ATF1: variants seen among roughly 807,000 people sequenced by gnomAD.
ATF1 encodes activating transcription factor 1, also known as cyclic AMP-dependent transcription factor ATF-1.
ATF1 carries 16 observed loss-of-function variants against 34.7 expected under a neutral mutation model. The observed-to-expected ratio is 0.46, with a 90% CI of 0.31 to 0.70. The LOEUF is 0.70. Ranked by LOEUF, ATF1 falls within the 30% of genes least tolerant of loss-of-function variation. ATF1 has a pLI of 0.05. For missense variants in ATF1, 255 were observed against 321.6 expected (o/e 0.79, Z 1.58); for synonymous variants, 105 against 113.1 (o/e 0.93, Z 0.46).
intron 1 of ATF1, among the ~76,000 whole-genome samples, chr12:50,770,437 T>C (rs1940742041): frequency 3.3e-5 from 5 of 152,192 alleles, no homozygotes; most frequent in Admixed American, 3.3e-4. Context: ...CCCCAAGTTA[T>C]CTTGGGACCT....
chr12:50,818,010 T>C lies in ATF1; in HGVS notation c.672-1625T>C, dbSNP rs145909460. 8.1e-3 allele frequency among the ~76,000 whole-genome samples: 1,241 copies of C among 152,296 alleles called. 23 individuals carry two copies. The highest frequency in any genetic ancestry group is 0.028 in the African/African-American group (1,174 of 41,550). On this transcript the variant is annotated intron_variant, in intron 6 of 6. Coordinates refer to ENST00000262053, the MANE Select transcript of ATF1 (RefSeq NM_005171.5). ...TTCTGGCATTTTTTCCCTTTTTTCT[T>C]TCTGGTTTGACTCTGGGATTTTTTT...
intron 6 of ATF1, among the ~76,000 whole-genome samples, chr12:50,818,581 C>T (rs1437386526): frequency 6.6e-6 from 1 of 152,078 alleles, no homozygotes; most frequent in Non-Finnish European, 1.5e-5. Context: ...ACATATATAG[C>T]ATAAAAATCT....
chr12:50,781,989 A>G (rs1385183988), intron 2 of ATF1, among the ~76,000 whole-genome samples: 1 of 151,944 alleles, frequency 6.6e-6, no homozygotes, highest in East Asian at 1.9e-4. Flanking sequence ...ACGGATTTTA[A>G]TGTTAACAAT....
intron 1 of ATF1, chr12:50,775,442 A>T (rs891342865): frequency 6.6e-6 from 1 of 152,002 alleles, no homozygotes; most frequent in African/African-American, 2.4e-5. Flanking sequence ...GCCCACTGCA[A>T]CCTCAACCTC....
intron 2 of ATF1, among the ~76,000 whole-genome samples, chr12:50,782,554 C>CT (rs1192258164): frequency 0.27 from 34,245 of 124,638 alleles, 5,188 homozygotes; most frequent in Middle Eastern, 0.35. Flanking sequence ...CACACCCGGC[C>CT]TTTTTTTTTT....
chr12:50,807,416 A>G (rs1162540857), intron 3 of ATF1, among the ~76,000 whole-genome samples: 2 of 152,192 alleles, frequency 1.3e-5, no homozygotes, highest in African/African-American at 2.4e-5. Flanking sequence ...AAGAAAAGAA[A>G]AAAATAATAA....
intron 2 of ATF1, among the ~76,000 whole-genome samples, chr12:50,794,908 G>T (rs1592187206): frequency 6.6e-6 from 1 of 152,040 alleles, no homozygotes; most frequent in Non-Finnish European, 1.5e-5. Flanking sequence ...GACAGAGTGA[G>T]ACCCTGTCTC....
chr12:50,808,456 G>C (rs902504414), intron 3 of ATF1, among the ~76,000 whole-genome samples: 5 of 151,726 alleles, frequency 3.3e-5, no homozygotes, highest in African/African-American at 1.2e-4. Flanking sequence ...AGCCCCCCGA[G>C]TAGCTGGGAT....
At chr12:50,772,097 T>C (rs1040817661) in intron 1 of ATF1, among the ~76,000 whole-genome samples, 5 of 152,158 alleles carry the variant, frequency 3.3e-5, no homozygotes, top group African/African-American at 1.2e-4. Flanking sequence ...CATTATTTCT[T>C]GTGCGAGATC....
intron 3 of ATF1, among the ~76,000 whole-genome samples, chr12:50,798,378 G>A (rs1207515730): frequency 4.6e-5 from 7 of 150,714 alleles, no homozygotes; most frequent in South Asian, 2.1e-4. Context: ...GAGTAATCTC[G>A]GCTCACTGCA....
chr12:50,812,453 T>C (rs1204304442), intron 4 of ATF1, among the ~76,000 whole-genome samples: 1 of 152,216 alleles, frequency 6.6e-6, no homozygotes, highest in Non-Finnish European at 1.5e-5. Context: ...TGTTGATACT[T>C]ATATAAATAA....
chr12:50,764,196 G>A lies in ATF1; in HGVS notation c.-118G>A, dbSNP rs1275712393. On this transcript the variant is annotated 5_prime_UTR_variant, in exon 1 of 7. Transcript: ENST00000262053. ...CGCCCCGCCTGACCCCCGAGAAGGA[G>A]GCTTGTCCCCCGCTGCGTGAGGGGG... is the stretch of plus-strand genomic sequence containing the variant. 6.6e-6 allele frequency: 1 copy of A among 152,260 alleles called. No individual in the cohort carries two copies. Among genetic ancestry groups the A allele is most frequent in the African/African-American group, 2.4e-5 (1 of 41,446 alleles). 9.4% of individuals were successfully genotyped at this position (152,260 alleles called of 1,614,324 possible). A position where few individuals can be genotyped will look rare whatever the true frequency, so the allele number is the denominator to read the frequency against.
rs1008189589 is a variant in ATF1, at chr12:50,775,162, G to A, written c.-6-4978G>A. Among the ~76,000 whole-genome samples the A allele has an allele frequency of 4.4e-4, 67 of 150,738 alleles. 1 individual carries two copies. Among genetic ancestry groups the A allele is most frequent in the Non-Finnish European group, 1.3e-4 (9 of 67,748 alleles). On this transcript the variant is annotated intron_variant, in intron 1 of 6. Coordinates refer to ENST00000262053, the MANE Select transcript of ATF1 (RefSeq NM_005171.5). ...TCTCTGTGTTCCCCAGGCTGGTCTC[G>A]AACTCCTGGGGGACTCAAGCAATCC...
At chr12:50,784,031 C>T (rs572348051) in intron 2 of ATF1, among the ~76,000 whole-genome samples, 209 of 151,842 alleles carry the variant, frequency 1.4e-3, no homozygotes, top group African/African-American at 4.9e-3. Flanking sequence ...GGTGTGGTGG[C>T]GTTTGTCTGC....
At chr12:50,809,302 A>T (rs1378630250) in intron 3 of ATF1, among the ~76,000 whole-genome samples, 154 bp from the exon 4 acceptor site, 1 of 151,130 alleles carries the variant, frequency 6.6e-6, no homozygotes. Flanking sequence ...TAAGCCAGGG[A>T]AGCAGAGGTT....
At chr12:50,781,997 A>C (rs1464578840) in intron 2 of ATF1, among the ~76,000 whole-genome samples, 1 of 152,126 alleles carries the variant, frequency 6.6e-6, no homozygotes, top group African/African-American at 2.4e-5. Flanking sequence ...TAATGTTAAC[A>C]ATACACAAAG....
chr12:50,775,308 T>G (rs917839627), intron 1 of ATF1, among the ~76,000 whole-genome samples: 2 of 152,146 alleles, frequency 1.3e-5, no homozygotes, highest in Non-Finnish European at 2.9e-5. Context: ...TAGTGGCTTT[T>G]ACTGTTGATA....
intron 4 of ATF1, among the ~76,000 whole-genome samples, chr12:50,810,695 C>T (rs2139690960): frequency 6.6e-6 from 1 of 152,250 alleles, no homozygotes; most frequent in Non-Finnish European, 1.5e-5. Flanking sequence ...GTTATCTCCC[C>T]CTCCACTCCT....
intron 1 of ATF1, among the ~76,000 whole-genome samples, chr12:50,773,980 C>G (rs1291818666): frequency 1.3e-5 from 2 of 152,202 alleles, no homozygotes; most frequent in East Asian, 3.9e-4. Context: ...GCTTAAAAAG[C>G]TCTTAGTTTA....
Sources: gnomAD v4.1 joint callset for allele counts (sites outside exome capture counted in the v4.1 genomes callset) on GRCh38, gnomAD v4.1.1 for gene constraint, MANE v1.5 for transcripts, NCBI Gene and HGNC (gene_info 2026-07-23, HGNC 2026-07-21) for gene names.